Variants in IQGAP2 observed in about 807,000 individuals in gnomAD.
IQGAP2 encodes the protein IQ motif containing GTPase activating protein 2, also known as ras GTPase-activating-like protein IQGAP2.
A neutral mutation model predicts 201.3 loss-of-function variants in IQGAP2; 173 were observed. That is an observed-to-expected ratio of 0.86 (90% CI 0.76 to 0.98). The LOEUF is 0.98. Among genes scored for constraint, IQGAP2 ranks in the 50% least tolerant of loss-of-function variants. The pLI, the probability that IQGAP2 is intolerant of heterozygous loss-of-function variation, is 0.00. For synonymous variants in IQGAP2, 675 were observed against 673.9 expected, an observed-to-expected ratio of 1.00 and a Z score of -0.03; for missense variants, 1,687 against 1,864.8, an observed-to-expected ratio of 0.90 and a Z score of 1.76.
intron 2 of IQGAP2, among the ~76,000 whole-genome samples, chr5:76,521,279 A>C (rs1758672452): frequency 6.6e-6 from 1 of 152,210 alleles, no homozygotes; most frequent in African/African-American, 2.4e-5. Context: ...CCCCTTTAAT[A>C]GGGCAGTGAC....
chr5:76,508,981 A>G (rs891211612), intron 2 of IQGAP2, among the ~76,000 whole-genome samples: 3 of 151,692 alleles, frequency 2.0e-5, no homozygotes, highest in African/African-American at 7.3e-5. Flanking sequence ...TGCTGATGAC[A>G]GTGTGCTCTG....
At chr5:76,599,700 G>C (rs915485468) in intron 10 of IQGAP2, among the ~76,000 whole-genome samples, 2 of 151,994 alleles carry the variant, frequency 1.3e-5, no homozygotes, top group African/African-American at 4.8e-5. Context: ...CGAGACTTCT[G>C]TGGAGATCCA....
intron 10 of IQGAP2, among the ~76,000 whole-genome samples, chr5:76,599,622 G>T (rs1006717345): frequency 3.3e-5 from 5 of 151,998 alleles, no homozygotes; most frequent in African/African-American, 1.2e-4. Context: ...GCTCTCGATG[G>T]TAACCCCTTC....
intron 13 of IQGAP2, chr5:76,615,340 T>G (rs1361418841): frequency 1.3e-5 from 2 of 152,236 alleles, no homozygotes; most frequent in African/African-American, 4.8e-5. Context: ...TGAAACTTAC[T>G]TTAGGTTTGT....
At chr5:76,512,484 G>A (rs1267169434) in intron 2 of IQGAP2, among the ~76,000 whole-genome samples, 1 of 152,054 alleles carries the variant, frequency 6.6e-6, no homozygotes, top group Non-Finnish European at 1.5e-5. Context: ...TTTCTCTATT[G>A]GTGATCTTTA....
At chr5:76,656,078 C>T (rs970270063) in intron 20 of IQGAP2, among the ~76,000 whole-genome samples, 8 of 152,146 alleles carry the variant, frequency 5.3e-5, no homozygotes, top group African/African-American at 1.7e-4. Flanking sequence ...AATCTAGGGA[C>T]GCTTGAAGTC....
intron 35 of IQGAP2, among the ~76,000 whole-genome samples, chr5:76,703,902 T>G (rs1172652598): frequency 1.3e-5 from 2 of 152,200 alleles, no homozygotes; most frequent in Non-Finnish European, 2.9e-5. Flanking sequence ...TCACTGTCTG[T>G]GCAGCCCAGG....
chr5:76,677,044 A>G (rs1744881039), intron 27 of IQGAP2, 174 bp from the exon 28 acceptor site: 1 of 583,958 alleles, frequency 1.7e-6, no homozygotes, highest in Non-Finnish European at 3.0e-6. Flanking sequence ...ATCCAGAAAC[A>G]TGGATGCAGC....
intron 13 of IQGAP2, among the ~76,000 whole-genome samples, chr5:76,612,133 A>G (rs1748462898): frequency 1.3e-5 from 2 of 152,338 alleles, no homozygotes; most frequent in African/African-American, 4.8e-5. Flanking sequence ...CCATTTTGCC[A>G]TCATTATTGC....
At chr5:76,671,161 T>C (rs1744273358) in intron 23 of IQGAP2, among the ~76,000 whole-genome samples, 1 of 152,074 alleles carries the variant, frequency 6.6e-6, no homozygotes, top group African/African-American at 2.4e-5. Flanking sequence ...CTCAGGAGGC[T>C]GAGATAGGAG....
intron 1 of IQGAP2, among the ~76,000 whole-genome samples, chr5:76,459,072 A>G (rs1754271654): frequency 6.6e-6 from 1 of 152,190 alleles, no homozygotes; most frequent in South Asian, 2.1e-4. Context: ...GTAGGATCCC[A>G]CTAGATGGGG....
intron 17 of IQGAP2, among the ~76,000 whole-genome samples, chr5:76,647,145 G>A (rs7717164): frequency 0.073 from 11,080 of 152,094 alleles, 563 homozygotes; most frequent in African/African-American, 0.14. Context: ...TGGAATGCAT[G>A]TTCTTTTCCC....
chr5:76,587,803 G>A (rs886770344), intron 5 of IQGAP2, among the ~76,000 whole-genome samples: 32 of 151,886 alleles, frequency 2.1e-4, no homozygotes, highest in African/African-American at 7.7e-4. Context: ...AAAAGTAGAC[G>A]GGCTCTGTGG....
At chr5:76,452,069 TGATATA>T (rs1354454706) in intron 1 of IQGAP2, among the ~76,000 whole-genome samples, 6 of 151,896 alleles carry the variant, frequency 4.0e-5, no homozygotes, top group African/African-American at 1.4e-4. Context: ...TTGTTATTTC[TGATATA>T]GATATAGTAA....
intron 1 of IQGAP2, among the ~76,000 whole-genome samples, chr5:76,429,588 ATATATATATGTATATT>A (rs1242239968): frequency 3.2e-5 from 4 of 126,756 alleles, no homozygotes; most frequent in Non-Finnish European, 5.4e-5. Flanking sequence ...AAATTTATAT[ATATATATATGTATATT>A]TATATATATA....
At chr5:76,619,522 T>C (rs1446772685) in intron 13 of IQGAP2, among the ~76,000 whole-genome samples, 2 of 147,700 alleles carry the variant, frequency 1.4e-5, no homozygotes, top group African/African-American at 5.0e-5. Flanking sequence ...TTCTTTTTTT[T>C]TTTTTTTTTT....
At chr5:76,575,661 A>G (rs749496418) in intron 4 of IQGAP2, 32 bp from the exon 5 acceptor site, 17 of 1,403,134 alleles carry the variant, frequency 1.2e-5, no homozygotes, top group East Asian at 2.3e-5. Context: ...GAAGCAAAAC[A>G]TATAATAAAT....
At chr5:76,466,061 G>T (rs1487801700) in intron 2 of IQGAP2, among the ~76,000 whole-genome samples, 1 of 152,048 alleles carries the variant, frequency 6.6e-6, no homozygotes, top group East Asian at 1.9e-4. Flanking sequence ...TGGTGGCCAG[G>T]TCTGGTGGCT....
intron 1 of IQGAP2, among the ~76,000 whole-genome samples, chr5:76,406,447 G>A (rs1221686995): frequency 6.6e-6 from 1 of 152,230 alleles, no homozygotes; most frequent in Non-Finnish European, 1.5e-5. Context: ...AAGGGAAGAG[G>A]TGGAAGAAGG....
Sources: allele counts gnomAD v4.1 joint callset (sites outside exome capture counted in the v4.1 genomes callset), GRCh38; gene constraint gnomAD v4.1.1; transcripts MANE v1.5; gene names NCBI Gene and HGNC (gene_info 2026-07-23, HGNC 2026-07-21).